The following SUFU variants were observed in gnomAD, a reference collection of about 807,000 sequenced individuals.
SUFU encodes SUFU negative regulator of hedgehog signaling.
In SUFU, 7 loss-of-function variants were observed where a neutral mutation model predicts 58.9. The observed-to-expected ratio is 0.12, with a 90% CI of 0.07 to 0.22. The LOEUF is 0.22. Among genes scored for constraint, SUFU ranks in the 10% least tolerant of loss-of-function variants. The pLI, the probability that SUFU is intolerant of heterozygous loss-of-function variation, is 1.00. For missense variants in SUFU, 451 were observed against 641.3 expected (o/e 0.70, Z 3.20); for synonymous variants, 232 against 254.8 (o/e 0.91, Z 0.85).
intron 3 of SUFU, among the ~76,000 whole-genome samples, chr10:102,587,004 A>C (rs1025602496): frequency 6.6e-6 from 1 of 152,192 alleles, no homozygotes; most frequent in African/African-American, 2.4e-5. Context: ...AATATTATCA[A>C]GTTTCACCCA....
chr10:102,616,794 G>A (rs1439568184), intron 9 of SUFU, among the ~76,000 whole-genome samples: 1 of 152,158 alleles, frequency 6.6e-6, no homozygotes, highest in Non-Finnish European at 1.5e-5. Flanking sequence ...TGAATGTTAT[G>A]GGAAAGCCCA....
intron 8 of SUFU, among the ~76,000 whole-genome samples, chr10:102,610,126 C>T (rs2063606950): frequency 6.6e-6 from 1 of 152,076 alleles, no homozygotes; most frequent in South Asian, 2.1e-4. Flanking sequence ...CCTGTAATCC[C>T]AGCACTTTGG....
intron 10 of SUFU, among the ~76,000 whole-genome samples, chr10:102,620,464 G>A (rs2063730250): frequency 6.6e-6 from 1 of 152,210 alleles, no homozygotes; most frequent in African/African-American, 2.4e-5. Flanking sequence ...TGGCAAAGCA[G>A]GGCTTGTCTG....
chr10:102,529,305 G>A (rs1328246091), intron 2 of SUFU, among the ~76,000 whole-genome samples: 1 of 152,210 alleles, frequency 6.6e-6, no homozygotes, highest in Non-Finnish European at 1.5e-5. Context: ...CTCAGGTCTG[G>A]TTAGAAGGTT....
intron 2 of SUFU, among the ~76,000 whole-genome samples, chr10:102,535,742 A>C (rs1274548053): frequency 6.6e-6 from 1 of 152,090 alleles, no homozygotes; most frequent in Non-Finnish European, 1.5e-5. Context: ...CTTGCTTCAA[A>C]GACCAATGGA....
intron 3 of SUFU, chr10:102,579,965 C>A: frequency 1.5e-6 from 1 of 645,460 alleles, no homozygotes; most frequent in South Asian, 6.8e-5. Context: ...AGAACTTTAC[C>A]TTCTAGCCCC....
intron 3 of SUFU, among the ~76,000 whole-genome samples, chr10:102,564,568 A>G (rs1481639675): frequency 6.6e-6 from 1 of 152,172 alleles, no homozygotes; most frequent in East Asian, 1.9e-4. Flanking sequence ...CTTGGGGTCA[A>G]GTGATCCACC....
At chr10:102,557,499 A>G (rs904240771) in intron 3 of SUFU, among the ~76,000 whole-genome samples, 2 of 152,258 alleles carry the variant, frequency 1.3e-5, no homozygotes, top group East Asian at 3.9e-4. Context: ...AGGCTGAGGT[A>G]GGAGGATTAC....
intron 3 of SUFU, among the ~76,000 whole-genome samples, chr10:102,582,069 C>T (rs939285933): frequency 6.6e-6 from 1 of 152,090 alleles, no homozygotes; most frequent in Non-Finnish European, 1.5e-5. Flanking sequence ...CTGGAAAGCA[C>T]GGAATAATCT....
intron 3 of SUFU, among the ~76,000 whole-genome samples, chr10:102,572,392 CTT>C (rs36034579): frequency 1.5e-4 from 19 of 130,214 alleles, no homozygotes; most frequent in Admixed American, 1.6e-4. Context: ...CTTTTTCTTT[CTT>C]TTTTTTTTTT....
intron 3 of SUFU, among the ~76,000 whole-genome samples, chr10:102,586,046 G>A (rs1435693951): frequency 6.6e-6 from 1 of 151,662 alleles, no homozygotes; most frequent in African/African-American, 2.4e-5. Flanking sequence ...CACCACACCT[G>A]GCTAATATTT....
At chr10:102,561,788 C>T (rs892940580) in intron 3 of SUFU, among the ~76,000 whole-genome samples, 5 of 150,964 alleles carry the variant, frequency 3.3e-5, no homozygotes, top group African/African-American at 1.2e-4. Context: ...CTTATCTCAG[C>T]CTCCCAAGTA....
intron 3 of SUFU, among the ~76,000 whole-genome samples, chr10:102,587,959 G>A (rs1210076779): frequency 6.6e-6 from 1 of 152,200 alleles, no homozygotes; most frequent in East Asian, 1.9e-4. Context: ...TTAGGTCTGT[G>A]ATCCATTTTG....
At chr10:102,570,376 G>A (rs1051948339) in intron 3 of SUFU, among the ~76,000 whole-genome samples, 8 of 152,008 alleles carry the variant, frequency 5.3e-5, no homozygotes, top group Non-Finnish European at 8.8e-5. Flanking sequence ...CAAGTAGCTG[G>A]GACTACAGGC....
chr10:102,605,622 T>C (rs1195388669), intron 8 of SUFU, among the ~76,000 whole-genome samples: 3 of 152,218 alleles, frequency 2.0e-5, no homozygotes, highest in African/African-American at 7.2e-5. Flanking sequence ...TTATACAGCC[T>C]TGTGCTTAAT....
At chr10:102,566,834 A>G (rs1266455405) in intron 3 of SUFU, among the ~76,000 whole-genome samples, 2 of 146,394 alleles carry the variant, frequency 1.4e-5, no homozygotes, top group African/African-American at 5.0e-5. Context: ...AGTCCCAGCT[A>G]CTCAGGAGGC....
chr10:102,552,899 C>G (rs1009676391), intron 3 of SUFU, among the ~76,000 whole-genome samples: 1 of 152,194 alleles, frequency 6.6e-6, no homozygotes, highest in African/African-American at 2.4e-5. Context: ...TTGTATCATT[C>G]TTTTAACTTT....
intron 3 of SUFU, among the ~76,000 whole-genome samples, chr10:102,566,960 A>G (rs1297278740): frequency 8.2e-6 from 1 of 122,640 alleles, no homozygotes; most frequent in African/African-American, 3.0e-5. Context: ...AAAAAAGTTT[A>G]TGTTGTTGTT....
At chr10:102,599,643 CT>C in intron 8 of SUFU, 99 bp downstream of exon 8, 1 of 1,032,782 alleles carries the variant, frequency 9.7e-7, no homozygotes, top group Non-Finnish European at 1.5e-6. Flanking sequence ...GCACATAGCC[CT>C]TGCTGGATGG....
Sources: allele counts gnomAD v4.1 joint callset (sites outside exome capture counted in the v4.1 genomes callset), GRCh38; gene constraint gnomAD v4.1.1; transcripts MANE v1.5; gene names NCBI Gene and HGNC (gene_info 2026-07-23, HGNC 2026-07-21).